MARCHF10: variants seen among roughly 807,000 people sequenced by gnomAD.
MARCHF10 encodes the protein probable E3 ubiquitin-protein ligase MARCHF10.
Under a neutral mutation model 76.2 loss-of-function variants are expected in MARCHF10, and 64 were observed. That is an observed-to-expected ratio of 0.84 (90% CI 0.69 to 1.03). MARCHF10 has a LOEUF of 1.03. Ranked by LOEUF, MARCHF10 falls within the 50% of genes least tolerant of loss-of-function variation. The pLI, the probability that MARCHF10 is intolerant of heterozygous loss-of-function variation, is 0.00. For synonymous variants in MARCHF10, 340 were observed against 357.5 expected (o/e 0.95, Z 0.55); for missense variants, 875 against 958.0 (o/e 0.91, Z 1.14).
chr17:62,768,014 G>A (rs1028947924), intron 3 of MARCHF10, among the ~76,000 whole-genome samples: 5 of 152,098 alleles, frequency 3.3e-5, no homozygotes, highest in Non-Finnish European at 5.9e-5. Flanking sequence ...CCTGTGAGCT[G>A]GAGAACAACA....
chr17:62,777,620 G>A lies in MARCHF10; in HGVS notation c.210+10860C>T, dbSNP rs2092575007. 2.0e-5 allele frequency among the ~76,000 whole-genome samples: 3 copies of A among 146,766 alleles called. No homozygotes were observed. In the South Asian group the frequency reaches 6.5e-4, roughly 32 times the overall value. ...TGTAATCCCAGATACTAGGGAGGCTGAGGCACGAGAATCACTTGAACCTGA... is the reference window on the plus strand; with the variant it reads ...TGTAATCCCAGATACTAGGGAGGCTAAGGCACGAGAATCACTTGAACCTGA... On this transcript the variant is annotated intron_variant, in intron 3 of 10. Coordinates refer to ENST00000311269, the MANE Select transcript of MARCHF10 (RefSeq NM_152598.4).
intron 3 of MARCHF10, among the ~76,000 whole-genome samples, chr17:62,783,210 T>TG (rs1235936164): frequency 2.0e-5 from 3 of 149,098 alleles, no homozygotes; most frequent in African/African-American, 7.5e-5. Flanking sequence ...TTTTTTTTTT[T>TG]TTTTTTTTTT....
At chr17:62,766,228 C>A (rs964282809) in intron 3 of MARCHF10, among the ~76,000 whole-genome samples, 1 of 151,042 alleles carries the variant, frequency 6.6e-6, no homozygotes. Context: ...GGGCCGGACG[C>A]GGTGGCTCAC....
intron 9 of MARCHF10, among the ~76,000 whole-genome samples, chr17:62,709,940 T>G (rs892839405): frequency 6.6e-6 from 1 of 152,140 alleles, no homozygotes. Context: ...ATTTCAGGGT[T>G]TCTCCAGTTC....
Position 62,792,773 on chromosome 17 carries a change from T to TACAACCATC in MARCHF10, c.91-4175_91-4174insGATGGTTGT, listed in dbSNP as rs1429549339. On this transcript the variant is annotated intron_variant, in intron 2 of 10. Coordinates refer to ENST00000311269, the MANE Select transcript of MARCHF10 (RefSeq NM_152598.4). ...CCATCACCACCACCACCTCCATCAC[T>TACAACCATC]ACCACCACCACCTCCATCACCACCA... 5.8e-3 allele frequency among the ~76,000 whole-genome samples: 185 copies of TACAACCATC among 31,672 alleles called. 2 individuals carry two copies. Among genetic ancestry groups the TACAACCATC allele is most frequent in the African/African-American group, 0.024 (171 of 6,984 alleles). 20.8% of individuals were successfully genotyped at this position (31,672 alleles called of 152,430 possible). A position where few individuals can be genotyped will look rare whatever the true frequency, so the allele number is the denominator to read the frequency against.
At chr17:62,741,273 C>A (rs555192654) in intron 5 of MARCHF10, among the ~76,000 whole-genome samples, 10 of 152,184 alleles carry the variant, frequency 6.6e-5, no homozygotes, top group Admixed American at 2.6e-4. Context: ...TCAGCGATTA[C>A]AATGTGATAA....
chr17:62,798,833 T>C (rs140661015), intron 2 of MARCHF10, among the ~76,000 whole-genome samples: 118 of 152,304 alleles, frequency 7.7e-4, no homozygotes, highest in African/African-American at 2.8e-3. Context: ...AAGCTACCAA[T>C]GAGAGGCCTG....
At chr17:62,748,413 C>CAAAA (rs1555699289) in intron 4 of MARCHF10, among the ~76,000 whole-genome samples, 1 of 151,232 alleles carries the variant, frequency 6.6e-6, no homozygotes, top group Admixed American at 6.6e-5. Flanking sequence ...CAAAAACAAA[C>CAAAA]AAACAAACAA....
At chr17:62,741,779 C>T (rs952440834) in intron 5 of MARCHF10, among the ~76,000 whole-genome samples, 2 of 152,106 alleles carry the variant, frequency 1.3e-5, no homozygotes, top group African/African-American at 4.8e-5. Context: ...ACTGCAAGCT[C>T]TGCCTCCCGG....
intron 4 of MARCHF10, chr17:62,750,524 T>C (rs114893890): frequency 2.6e-5 from 4 of 152,852 alleles, no homozygotes; most frequent in African/African-American, 9.6e-5. Context: ...CAGGGGGTGC[T>C]TGCTGCTGCC....
intron 3 of MARCHF10, among the ~76,000 whole-genome samples, chr17:62,766,174 G>A (rs922983432): frequency 6.6e-6 from 1 of 151,600 alleles, no homozygotes; most frequent in Non-Finnish European, 1.5e-5. Context: ...CCAGCCTGGG[G>A]GACAGAGCAA....
At chr17:62,754,712 G>A (rs537649533) in intron 4 of MARCHF10, among the ~76,000 whole-genome samples, 1 of 152,046 alleles carries the variant, frequency 6.6e-6, no homozygotes, top group South Asian at 2.1e-4. Flanking sequence ...CCTGTCTTGA[G>A]AGCATGTATC....
chr17:62,754,269 C>T (rs938326681), intron 4 of MARCHF10, among the ~76,000 whole-genome samples: 1 of 152,154 alleles, frequency 6.6e-6, no homozygotes, highest in Non-Finnish European at 1.5e-5. Context: ...GACAGGGTTT[C>T]ACCATGTTGG....
chr17:62,722,248 C>T (rs1216962530), intron 8 of MARCHF10, among the ~76,000 whole-genome samples: 3 of 148,702 alleles, frequency 2.0e-5, no homozygotes, highest in Admixed American at 1.4e-4. Context: ...ACTGCATTCC[C>T]GCCTGGGCGA....
At chr17:62,701,870 C>T in intron 10 of MARCHF10, 112 bp from the exon 11 acceptor site, 1 of 1,399,898 alleles carries the variant, frequency 7.1e-7, no homozygotes, top group Non-Finnish European at 1.0e-6. Context: ...TGAGGCCCAG[C>T]CACCCACATG....
At chr17:62,789,307 G>C (rs1335985798) in intron 2 of MARCHF10, among the ~76,000 whole-genome samples, 1 of 151,932 alleles carries the variant, frequency 6.6e-6, no homozygotes, top group Non-Finnish European at 1.5e-5. Flanking sequence ...CCCTAGTTGC[G>C]GGATGAGAAT....
At chr17:62,745,881 T>TA (rs1345190347) in intron 4 of MARCHF10, among the ~76,000 whole-genome samples, 1 of 152,234 alleles carries the variant, frequency 6.6e-6, no homozygotes, top group Non-Finnish European at 1.5e-5. Flanking sequence ...ACAAGGCAGT[T>TA]ACATCGTGAA....
At chr17:62,800,194 G>A (rs1490882557) in intron 2 of MARCHF10, among the ~76,000 whole-genome samples, 1 of 152,180 alleles carries the variant, frequency 6.6e-6, no homozygotes, top group Non-Finnish European at 1.5e-5. Context: ...ATGAATGAAT[G>A]AAAAGGCAGT....
At chr17:62,747,804 T>A (rs1023538348) in intron 4 of MARCHF10, among the ~76,000 whole-genome samples, 106 of 152,202 alleles carry the variant, frequency 7.0e-4, no homozygotes, top group African/African-American at 2.5e-3. Flanking sequence ...TCTCCCTCAA[T>A]CCTTCTTTTA....
Sources: gnomAD v4.1 joint callset for allele counts (sites outside exome capture counted in the v4.1 genomes callset) on GRCh38, gnomAD v4.1.1 for gene constraint, MANE v1.5 for transcripts, NCBI Gene and HGNC (gene_info 2026-07-23, HGNC 2026-07-21) for gene names.